Variants in ZNF804B observed in about 807,000 individuals in gnomAD.
ZNF804B encodes zinc finger 804B.
In ZNF804B, 80 loss-of-function variants were observed where a neutral mutation model predicts 101.4. The ratio of observed to expected loss-of-function variants is 0.79; its 90% CI spans 0.66 to 0.95. ZNF804B has a LOEUF of 0.95. Ranked by LOEUF, ZNF804B falls within the 40% of genes least tolerant of loss-of-function variation. The pLI is 0.00. For missense variants in ZNF804B, 1,673 were observed against 1,561.9 expected, an observed-to-expected ratio of 1.07 and a Z score of -1.20; for synonymous variants, 622 against 558.8, an observed-to-expected ratio of 1.11 and a Z score of -1.59.
At chr7:88,802,471 ATTG>A (rs1790607024) in intron 1 of ZNF804B, among the ~76,000 whole-genome samples, 1 of 150,544 alleles carries the variant, frequency 6.6e-6, no homozygotes, top group South Asian at 2.2e-4. Context: ...ACACTTACTA[ATTG>A]TAGTAAAGTT....
intron 1 of ZNF804B, among the ~76,000 whole-genome samples, chr7:88,820,659 G>C (rs944600518): frequency 3.3e-5 from 5 of 152,170 alleles, no homozygotes; most frequent in Non-Finnish European, 5.9e-5. Context: ...CTGCCTGTGG[G>C]AAACTCTCTA....
chr7:88,873,155 T>G (rs561215955), intron 1 of ZNF804B, among the ~76,000 whole-genome samples: 1 of 152,142 alleles, frequency 6.6e-6, no homozygotes, highest in Non-Finnish European at 1.5e-5. Context: ...TTTTAATGAT[T>G]GCCATTCTAA....
chr7:89,226,355 T>C (rs1316651816), intron 2 of ZNF804B, among the ~76,000 whole-genome samples: 1 of 152,008 alleles, frequency 6.6e-6, no homozygotes, highest in East Asian at 1.9e-4. Context: ...AAACATACAA[T>C]GAAGAGAGAG....
chr7:89,075,159 C>T (rs185818652), intron 1 of ZNF804B, among the ~76,000 whole-genome samples: 1 of 152,172 alleles, frequency 6.6e-6, no homozygotes, highest in African/African-American at 2.4e-5. Flanking sequence ...TTTCTAAGGA[C>T]AAATTCAAGC....
intron 2 of ZNF804B, among the ~76,000 whole-genome samples, chr7:89,315,727 T>TAC (rs1226115201): frequency 4.6e-5 from 7 of 151,414 alleles, no homozygotes; most frequent in African/African-American, 1.2e-4. Context: ...TGGCTCTAAA[T>TAC]ACACACACAC....
chr7:88,870,943 A>C (rs1026465477), intron 1 of ZNF804B, among the ~76,000 whole-genome samples: 3 of 152,210 alleles, frequency 2.0e-5, no homozygotes, highest in Non-Finnish European at 4.4e-5. Context: ...GTCATAAGGA[A>C]AGATATTAAT....
At chr7:88,936,947 G>A (rs769248835) in intron 1 of ZNF804B, among the ~76,000 whole-genome samples, 19 of 151,748 alleles carry the variant, frequency 1.3e-4, no homozygotes, top group South Asian at 2.1e-4. Flanking sequence ...GAAAAATATA[G>A]CCACAAAGTA....
intron 1 of ZNF804B, among the ~76,000 whole-genome samples, chr7:89,114,959 T>C (rs1790285748): frequency 6.6e-6 from 1 of 152,198 alleles, no homozygotes; most frequent in African/African-American, 2.4e-5. Flanking sequence ...ATAGAGACCA[T>C]AACCAAGTAT....
At chr7:89,283,283 G>T (rs1199892671) in intron 2 of ZNF804B, among the ~76,000 whole-genome samples, 2 of 151,990 alleles carry the variant, frequency 1.3e-5, no homozygotes, top group Non-Finnish European at 2.9e-5. Flanking sequence ...TTAAAATGTG[G>T]TATTGAGAAG....
intron 1 of ZNF804B, among the ~76,000 whole-genome samples, chr7:88,840,990 G>A (rs1230257847): frequency 3.9e-5 from 6 of 152,132 alleles, no homozygotes; most frequent in African/African-American, 1.2e-4. Context: ...TTATTATACT[G>A]TCCTAGTTAA....
At chr7:89,054,711 CATTT>C (rs1463234269) in intron 1 of ZNF804B, among the ~76,000 whole-genome samples, 1 of 151,950 alleles carries the variant, frequency 6.6e-6, no homozygotes, top group African/African-American at 2.4e-5. Flanking sequence ...CACGCTTATT[CATTT>C]ATTTATTTAT....
At chr7:89,018,026 G>T (rs1038032700) in intron 1 of ZNF804B, among the ~76,000 whole-genome samples, 9 of 151,980 alleles carry the variant, frequency 5.9e-5, no homozygotes, top group Non-Finnish European at 1.3e-4. Context: ...TTGCCTAATT[G>T]TTCGAGCTAG....
chr7:88,832,384 C>T (rs890029710), intron 1 of ZNF804B, among the ~76,000 whole-genome samples: 3 of 151,910 alleles, frequency 2.0e-5, no homozygotes, highest in African/African-American at 7.2e-5. Flanking sequence ...CACCTTCCCA[C>T]CCAAGCTAAT....
At chr7:89,100,585 A>G (rs1168613706) in intron 1 of ZNF804B, among the ~76,000 whole-genome samples, 2 of 152,154 alleles carry the variant, frequency 1.3e-5, no homozygotes, top group African/African-American at 2.4e-5. Context: ...ATTGATTACA[A>G]TAATATATAA....
chr7:89,232,142 G>A (rs1789202090), intron 2 of ZNF804B, among the ~76,000 whole-genome samples: 1 of 152,072 alleles, frequency 6.6e-6, no homozygotes, highest in South Asian at 2.1e-4. Context: ...TTATAAACGG[G>A]CTTCCGTTTA....
At chr7:88,840,129 C>T (rs1017197252) in intron 1 of ZNF804B, among the ~76,000 whole-genome samples, 2 of 152,226 alleles carry the variant, frequency 1.3e-5, no homozygotes, top group African/African-American at 4.8e-5. Context: ...GAAAAATGTT[C>T]CCACTGACCA....
chr7:88,908,126 A>G (rs2115968639), intron 1 of ZNF804B, among the ~76,000 whole-genome samples: 1 of 152,032 alleles, frequency 6.6e-6, no homozygotes, highest in Admixed American at 6.6e-5. Flanking sequence ...ACAATCTAGT[A>G]GGAAACTTAT....
chr7:89,017,072 C>G (rs1231416757), intron 1 of ZNF804B, among the ~76,000 whole-genome samples: 3 of 152,040 alleles, frequency 2.0e-5, no homozygotes, highest in Non-Finnish European at 4.4e-5. Context: ...AGTTAGATTC[C>G]TAGGTATTTT....
intron 1 of ZNF804B, among the ~76,000 whole-genome samples, chr7:88,869,418 A>C (rs574710994): frequency 6.6e-6 from 1 of 152,312 alleles, no homozygotes; most frequent in African/African-American, 2.4e-5. Context: ...GAAGTTAGTC[A>C]GCCCTCCTTT....
Sources: gnomAD v4.1 joint callset for allele counts (sites outside exome capture counted in the v4.1 genomes callset) on GRCh38, gnomAD v4.1.1 for gene constraint, MANE v1.5 for transcripts, NCBI Gene and HGNC (gene_info 2026-07-23, HGNC 2026-07-21) for gene names.